Variants in TRAPPC12 observed in about 807,000 individuals in gnomAD.
TRAPPC12 encodes trafficking protein particle complex subunit 12, also known as TPR repeat protein 15.
TRAPPC12 carries 61 observed loss-of-function variants against 69.2 expected under a neutral mutation model. The observed-to-expected ratio is 0.88, with a 90% CI of 0.72 to 1.09. TRAPPC12 has a LOEUF of 1.09. Among genes scored for constraint, TRAPPC12 ranks in the 50% least tolerant of loss-of-function variants. The pLI is 0.00. For missense variants in TRAPPC12, 1,101 were observed against 1,016.4 expected (o/e 1.08, Z -1.13); for synonymous variants, 469 against 438.9 (o/e 1.07, Z -0.86).
intron 3 of TRAPPC12, among the ~76,000 whole-genome samples, chr2:3,417,628 G>T (rs1662496584): frequency 6.6e-6 from 1 of 152,140 alleles, no homozygotes; most frequent in South Asian, 2.1e-4. Context: ...TTCACAGCAG[G>T]CAGTCAGTAA....
chr2:3,456,177 G>C (rs553375212), intron 6 of TRAPPC12: 1 of 152,176 alleles, frequency 6.6e-6, no homozygotes, highest in South Asian at 2.1e-4. Context: ...CCAAGATAAC[G>C]GTTAAGAGGA....
At chr2:3,448,109 C>T (rs909390001) in intron 6 of TRAPPC12, among the ~76,000 whole-genome samples, 7 of 152,324 alleles carry the variant, frequency 4.6e-5, no homozygotes, top group South Asian at 2.1e-4. Flanking sequence ...TTGATTACCC[C>T]CTACTAATGC....
At chr2:3,380,178 C>T (rs975243543) in intron 1 of TRAPPC12, among the ~76,000 whole-genome samples, 10 of 152,302 alleles carry the variant, frequency 6.6e-5, no homozygotes, top group Non-Finnish European at 1.3e-4. Flanking sequence ...TGGGAAACTA[C>T]CCGCTGGCGC....
chr2:3,394,477 C>T (rs1001936065), intron 2 of TRAPPC12, among the ~76,000 whole-genome samples: 3 of 152,034 alleles, frequency 2.0e-5, no homozygotes, highest in Non-Finnish European at 4.4e-5. Context: ...AAAAAACAGC[C>T]GGACGTGGTG....
chr2:3,465,502 T>C (rs1665761938), intron 8 of TRAPPC12, 95 bp from the exon 9 acceptor site: 4 of 864,234 alleles, frequency 4.6e-6, no homozygotes, highest in Non-Finnish European at 7.7e-6. Context: ...GTCCTCTCTC[T>C]ACACCGCGTC....
chr2:3,464,150 A>G (rs1370655951), intron 8 of TRAPPC12, among the ~76,000 whole-genome samples: 2 of 151,616 alleles, frequency 1.3e-5, no homozygotes, highest in Admixed American at 6.6e-5. Context: ...ACACACACAC[A>G]TGCTCACACA....
At chr2:3,475,897 G>A (rs539990314) in intron 9 of TRAPPC12, among the ~76,000 whole-genome samples, 2 of 152,352 alleles carry the variant, frequency 1.3e-5, no homozygotes, top group African/African-American at 4.8e-5. Context: ...TGCCACGGCC[G>A]CCGGCACACG....
chr2:3,476,800 C>T (rs1249277775), intron 9 of TRAPPC12, among the ~76,000 whole-genome samples: 1 of 152,186 alleles, frequency 6.6e-6, no homozygotes, highest in African/African-American at 2.4e-5. Context: ...GCGCATTCAG[C>T]TTGTTTCTCA....
At position 3,460,295 on chromosome 2, in the gene TRAPPC12, C is replaced by T. The variant is rs369996771; in HGVS notation, c.1636C>T (p.Arg546Trp). The T allele has an allele frequency of 7.9e-5, 69 of 874,566 alleles. No individual in the cohort carries two copies. The highest frequency in any genetic ancestry group is 1.3e-4 in the Non-Finnish European group (65 of 503,286). 54.2% of individuals were successfully genotyped at this position (874,566 alleles called of 1,614,324 possible). ...CCGGCTGTGGAGGTCACGTCTGGGC[C>T]GGGTGATGTACTCCATGGCAAACTG... ...SIRLWRSRLGRVMYSMANCLL... is the reference protein window; with the variant it reads ...SIRLWRSRLGWVMYSMANCLL... The change falls in exon 8 of 12, where the codon CGG (arginine) becomes TGG (tryptophan). Residue 546 changes from arginine (R) to tryptophan (W), a missense_variant. Physicochemically the swap from Arg to Trp is moderately radical, Grantham distance 101 (BLOSUM62 -3). Transcript: ENST00000324266.
In TRAPPC12 at chr2:3,414,774, CT is replaced by C. The variant is rs1662275479; in HGVS notation, c.1165-7106del. Reference sequence around the variant, plus strand: ...GTTCATCGTGCGAGACTCCCCACCCCTGTGCCACCGGTCTCGGTGTCTCCCA... The same window carrying C: ...GTTCATCGTGCGAGACTCCCCACCCCGTGCCACCGGTCTCGGTGTCTCCCA... On this transcript the variant is annotated intron_variant, in intron 3 of 11. Transcript: ENST00000324266. The surrounding 1 kb of genome is among the most constrained non-coding windows in gnomAD (Gnocchi z 4.9). 6.6e-6 allele frequency among the ~76,000 whole-genome samples: 1 copy of C among 152,148 alleles called. No homozygotes were observed. The highest frequency in any genetic ancestry group is 2.1e-4 in the South Asian group (1 of 4,818).
chr2:3,457,046 T>G, intron 6 of TRAPPC12: 1 of 460,480 alleles, frequency 2.2e-6, no homozygotes, highest in Admixed American at 2.4e-5. Context: ...TGGTGATGTT[T>G]ACAGTGTGTC....
At chr2:3,396,514 G>T (rs553299309) in intron 2 of TRAPPC12, among the ~76,000 whole-genome samples, 1 of 152,062 alleles carries the variant, frequency 6.6e-6, no homozygotes, top group East Asian at 1.9e-4. Context: ...GGAAATTTGG[G>T]GTCATTATTT....
chr2:3,427,385 G>A (rs965382433), intron 5 of TRAPPC12, among the ~76,000 whole-genome samples: 4 of 152,246 alleles, frequency 2.6e-5, no homozygotes, highest in Admixed American at 1.3e-4. Context: ...GAAAACTCAG[G>A]TCATTGAGCA....
intron 3 of TRAPPC12, among the ~76,000 whole-genome samples, chr2:3,420,717 G>C (rs1462753793): frequency 6.6e-6 from 1 of 152,198 alleles, no homozygotes; most frequent in Non-Finnish European, 1.5e-5. Flanking sequence ...GTAGTGCAAA[G>C]CTGAGACTCA....
rs12614747 is a variant in TRAPPC12, at chr2:3,410,067, C to A, written c.1164+8174C>A. Among the ~76,000 whole-genome samples, 275 of 152,320 alleles carry A rather than the reference C, an allele frequency of 1.8e-3. 6 individuals are homozygous for A. The East Asian group carries it at 0.048, about 27-fold the overall frequency. ...TCTGCCACGTGCTCTTTTGTGTTATCGTCTCAGGGAATTGGGTTGTTCTGA... is the reference window on the plus strand; with the variant it reads ...TCTGCCACGTGCTCTTTTGTGTTATAGTCTCAGGGAATTGGGTTGTTCTGA... On this transcript the variant is annotated intron_variant, in intron 3 of 11. Coordinates refer to ENST00000324266, the MANE Select transcript of TRAPPC12 (RefSeq NM_016030.6).
intron 8 of TRAPPC12, among the ~76,000 whole-genome samples, chr2:3,461,336 CA>C (rs1665485367): frequency 6.6e-6 from 1 of 152,206 alleles, no homozygotes; most frequent in South Asian, 2.1e-4. Flanking sequence ...GGAAGACGTG[CA>C]GCCCGCACCC....
At chr2:3,457,513 A>G in intron 6 of TRAPPC12, 108 bp from the exon 7 acceptor site, 2 of 804,340 alleles carry the variant, frequency 2.5e-6, no homozygotes, top group Admixed American at 2.1e-5. Flanking sequence ...TCCCTTGACA[A>G]ATTGTTTTCA....
chr2:3,416,585 T>TC (rs1187896478), intron 3 of TRAPPC12, among the ~76,000 whole-genome samples: 2 of 35,032 alleles, frequency 5.7e-5, no homozygotes, highest in African/African-American at 2.5e-4. Context: ...CACTGTGCCC[T>TC]CCCCTGCCCC....
At chr2:3,456,705 G>A in intron 6 of TRAPPC12, 1 of 197,574 alleles carries the variant, frequency 5.1e-6, no homozygotes, top group South Asian at 8.3e-5. Context: ...CAGCCTCCCA[G>A]GTAGCTGGGA....
Sources: gnomAD v4.1 joint callset for allele counts (sites outside exome capture counted in the v4.1 genomes callset) on GRCh38, gnomAD v4.1.1 for gene constraint, Gnocchi (gnomAD v3.1) non-coding constraint, MANE v1.5 for transcripts, NCBI Gene and HGNC (gene_info 2026-07-23, HGNC 2026-07-21) for gene names.